The following GRIA4 variants were observed in gnomAD, a reference collection of about 807,000 sequenced individuals.
GRIA4 encodes glutamate receptor 4.
Under a neutral mutation model 104.0 loss-of-function variants are expected in GRIA4, and 34 were observed. That is an observed-to-expected ratio of 0.33 (90% confidence interval 0.25 to 0.44). The LOEUF (loss-of-function observed/expected upper bound fraction) is 0.44, where lower values mean the gene tolerates loss of function less well. GRIA4 is among the 20% of genes least tolerant of loss of function. GRIA4 has a pLI of 1.00. For missense variants in GRIA4, 750 were observed against 1,096.5 expected, an observed-to-expected ratio of 0.68 and a Z score of 4.46; for synonymous variants, 386 against 381.9, an observed-to-expected ratio of 1.01 and a Z score of -0.13.
chr11:105,813,016 C>T (rs1943238252), intron 4 of GRIA4, among the ~76,000 whole-genome samples: 1 of 149,006 alleles, frequency 6.7e-6, no homozygotes, highest in African/African-American at 2.5e-5. Context: ...ATGGCGTGAA[C>T]CTGGGAGGCG....
intron 4 of GRIA4, among the ~76,000 whole-genome samples, chr11:105,861,556 A>C (rs1047141946): frequency 2.0e-4 from 30 of 152,266 alleles, no homozygotes; most frequent in Non-Finnish European, 3.5e-4. Flanking sequence ...CTCAATAAAT[A>C]CTGTTGTACT....
At chr11:105,714,019 G>A (rs1399406283) in intron 3 of GRIA4, among the ~76,000 whole-genome samples, 1 of 152,080 alleles carries the variant, frequency 6.6e-6, no homozygotes, top group African/African-American at 2.4e-5. Context: ...ACGCTTTGAG[G>A]CAGGATCTAT....
intron 3 of GRIA4, among the ~76,000 whole-genome samples, chr11:105,702,429 T>C (rs915144500): frequency 6.6e-5 from 10 of 151,474 alleles, no homozygotes; most frequent in Non-Finnish European, 2.9e-5. Context: ...ATCTATATAA[T>C]TAGAAAACCA....
intron 3 of GRIA4, among the ~76,000 whole-genome samples, chr11:105,703,482 A>G (rs984501651): frequency 1.3e-5 from 2 of 152,198 alleles, no homozygotes; most frequent in Non-Finnish European, 2.9e-5. Flanking sequence ...ACCAATAAAG[A>G]AAAGTGTTCA....
At chr11:105,939,763 AGC>A (rs2136222363) in intron 14 of GRIA4, among the ~76,000 whole-genome samples, 1 of 152,322 alleles carries the variant, frequency 6.6e-6, no homozygotes, top group East Asian at 1.9e-4. Context: ...TCAGAACAGC[AGC>A]AAAAGTCAAG....
Position 105,707,142 on chromosome 11 carries a change from AC to A in GRIA4, c.248-45835del, listed in dbSNP as rs538555855. 501 of 153,556 alleles carry A rather than the reference AC, an allele frequency of 3.3e-3. 11 individuals carry two copies. The highest frequency in any genetic ancestry group is 1.1e-3 in the Non-Finnish European group (78 of 68,428). 9.5% of individuals were successfully genotyped at this position (153,556 alleles called of 1,614,324 possible). On this transcript the variant is annotated intron_variant, in intron 3 of 16. Coordinates refer to ENST00000282499, the MANE Select transcript of GRIA4 (RefSeq NM_000829.4). The stretch of plus-strand genomic sequence containing the variant: ...TTGTCTTCAGATTATAGCAGTCAGA[AC>A]CCCTGGCTTTGATGACAATAGAAAG...
At chr11:105,930,047 T>C (rs1947827724) in intron 13 of GRIA4, among the ~76,000 whole-genome samples, 1 of 152,162 alleles carries the variant, frequency 6.6e-6, no homozygotes, top group Non-Finnish European at 1.5e-5. Flanking sequence ...TTGAAGGTTT[T>C]AGGGACTTAA....
At chr11:105,853,903 T>G (rs974216295) in intron 4 of GRIA4, among the ~76,000 whole-genome samples, 2 of 152,202 alleles carry the variant, frequency 1.3e-5, no homozygotes, top group Non-Finnish European at 2.9e-5. Context: ...ATGCATCATT[T>G]CCACTATATC....
chr11:105,610,831 G>T, intron 1 of GRIA4, 77 bp from the exon 2 acceptor site: 1 of 589,166 alleles, frequency 1.7e-6, no homozygotes. Context: ...TTAAACCACC[G>T]AAACCTCTTT....
intron 3 of GRIA4, among the ~76,000 whole-genome samples, chr11:105,656,269 G>A (rs938332064): frequency 6.6e-6 from 1 of 152,110 alleles, no homozygotes; most frequent in Non-Finnish European, 1.5e-5. Context: ...GAGCAATGGG[G>A]AAAGGATTCC....
chr11:105,913,732 G>C (rs1947322630), intron 10 of GRIA4, among the ~76,000 whole-genome samples: 1 of 152,064 alleles, frequency 6.6e-6, no homozygotes, highest in Non-Finnish European at 1.5e-5. Context: ...TTTCAGACAA[G>C]CTCCTTTTTT....
At chr11:105,616,054 A>T (rs911920050) in intron 3 of GRIA4, among the ~76,000 whole-genome samples, 3 of 151,808 alleles carry the variant, frequency 2.0e-5, no homozygotes, top group Non-Finnish European at 4.4e-5. Flanking sequence ...GATGGCAATA[A>T]GAAGTACTAA....
intron 6 of GRIA4, among the ~76,000 whole-genome samples, chr11:105,894,599 C>T (rs1946575753): frequency 6.6e-6 from 1 of 151,810 alleles, no homozygotes. Context: ...AACAGCAATG[C>T]ACATATGTTG....
chr11:105,868,282 G>T (rs1414778602), intron 5 of GRIA4, among the ~76,000 whole-genome samples: 1 of 152,122 alleles, frequency 6.6e-6, no homozygotes, highest in Admixed American at 6.6e-5. Context: ...ATGCTCAAAA[G>T]GTAATCAAGA....
At chr11:105,900,443 C>T (rs1191725146) in intron 7 of GRIA4, among the ~76,000 whole-genome samples, 1 of 152,124 alleles carries the variant, frequency 6.6e-6, no homozygotes, top group Non-Finnish European at 1.5e-5. Flanking sequence ...ATTTCCCCAC[C>T]CTTTATCACT....
At chr11:105,635,980 A>T (rs1951191405) in intron 3 of GRIA4, among the ~76,000 whole-genome samples, 1 of 152,202 alleles carries the variant, frequency 6.6e-6, no homozygotes, top group South Asian at 2.1e-4. Flanking sequence ...TGAATATTTC[A>T]TATGAACTCA....
In GRIA4 at chr11:105,695,742, G is replaced by T. The variant is rs991795429; in HGVS notation, c.248-57239G>T. Among the ~76,000 whole-genome samples, 6 of 152,026 alleles carry T rather than the reference G, an allele frequency of 3.9e-5. 1 individual carries two copies. In the South Asian group the frequency reaches 1.2e-3, roughly 32 times the overall value. On this transcript the variant is annotated intron_variant, in intron 3 of 16. Coordinates refer to ENST00000282499, the MANE Select transcript of GRIA4 (RefSeq NM_000829.4). Reference sequence around the variant, plus strand: ...TGCCTGCTTCTTTGATAGGAGATGAGAATTTAGTTGCTATTTTTTTAAGGT... The same window carrying T: ...TGCCTGCTTCTTTGATAGGAGATGATAATTTAGTTGCTATTTTTTTAAGGT...
intron 4 of GRIA4, among the ~76,000 whole-genome samples, chr11:105,757,568 A>T (rs1483352429): frequency 6.6e-6 from 1 of 152,160 alleles, no homozygotes; most frequent in Non-Finnish European, 1.5e-5. Context: ...CCAGCGGTTC[A>T]TTTGAAGGGT....
chr11:105,974,413 A>T lies in GRIA4; in HGVS notation c.2513A>T (p.Tyr838Phe). Residue 838 changes from tyrosine to phenylalanine, a missense_variant, in exon 16 of 17, where the codon TAC (tyrosine) becomes TTC (phenylalanine). Tyr to Phe is a conservative substitution (Grantham distance 22, BLOSUM62 3). This residue lies in a region of GRIA4 where 272 missense variants were observed against 524.5 expected (regional missense o/e 0.52). Transcript: ENST00000282499. ...AMLVALIEFCYKSRAEAKRMK... is the reference protein window; with the variant it reads ...AMLVALIEFCFKSRAEAKRMK... ...CTGGTGGCTTTGATAGAGTTCTGTT[A>T]CAAGTCCAGGGCAGAAGCGAAGAGA... 1 of 1,613,990 alleles carries T rather than the reference A, an allele frequency of 6.2e-7. No individual in the cohort carries two copies. Among genetic ancestry groups the T allele is most frequent in the Non-Finnish European group, 8.5e-7 (1 of 1,179,892 alleles).
Sources: gnomAD v4.1 joint callset for allele counts (sites outside exome capture counted in the v4.1 genomes callset) on GRCh38, gnomAD v4.1.1 for gene constraint, gnomAD v4.1.1 regional missense constraint, MANE v1.5 for transcripts, NCBI Gene and HGNC (gene_info 2026-07-23, HGNC 2026-07-21) for gene names.